C8orf33: variants seen among roughly 807,000 people sequenced by gnomAD.
C8orf33 encodes UPF0488 protein C8orf33.
C8orf33 carries 28 observed loss-of-function variants against 25.7 expected under a neutral mutation model. That is an observed-to-expected ratio of 1.09 (90% confidence interval 0.81 to 1.49). The LOEUF is 1.49. Ranked by LOEUF, C8orf33 falls within the 40% of genes most tolerant of loss-of-function variation. The pLI is 0.00. For missense variants in C8orf33, 369 were observed against 294.4 expected (o/e 1.25, Z -1.85); for synonymous variants, 153 against 115.9 (o/e 1.32, Z -2.06).
rs1480436514 is a variant in C8orf33, at chr8:145,053,366, T to G, written c.473T>G (p.Leu158Arg). The G allele has an allele frequency of 6.2e-7, 1 of 1,614,228 alleles. No homozygotes were observed. Among genetic ancestry groups the G allele is most frequent in the East Asian group, 2.2e-5 (1 of 44,886 alleles). The change falls in exon 4 of 5, where the codon CTG becomes CGG. Residue 158 changes from leucine to arginine, a missense_variant. By Grantham distance (102) the Leu-to-Arg change is moderately radical. Transcript: ENST00000331434. ...ACGCCCTTGCCCCGGAAGAGGCAGC[T>G]GATGCACTCCTTGTTTGGAGACTAT... Reference protein sequence around the residue: ...KRTPLPRKRQLMHSLFGDYRA... With the variant: ...KRTPLPRKRQRMHSLFGDYRA...
Position 145,053,391 on chromosome 8 carries a change from T to A in C8orf33, c.498T>A (p.Tyr166Ter). Residue 166 changes from tyrosine (Y) to a stop codon, truncating the protein, a stop_gained, in exon 4 of 5, where the codon TAT (tyrosine) becomes TAA (stop). Transcript: ENST00000331434. LOFTEE classifies it high-confidence loss of function. ...TGATGCACTCCTTGTTTGGAGACTA[T>A]AGGGCTCAGATGGAAGCCGAATGGC... Reference protein sequence around the residue: ...RQLMHSLFGDYRAQMEAEWRE... With the variant: ...RQLMHSLFGD 2 of 1,614,204 alleles carry A rather than the reference T, an allele frequency of 1.2e-6. No homozygotes were observed. Among genetic ancestry groups the A allele is most frequent in the South Asian group, 2.2e-5 (2 of 91,088 alleles).
Position 145,053,150 on chromosome 8 carries a change from A to C in C8orf33, c.403+4A>C. 1 of 1,614,124 alleles carries C rather than the reference A, an allele frequency of 6.2e-7. No homozygotes were observed. The highest frequency in any genetic ancestry group is 1.7e-5 in the Admixed American group (1 of 60,030). Reference sequence around the variant, plus strand: ...CAGAAACCCACCCCGAAACAGAGTAAGGGACCCTTCTGTAGAGCTGGGGGA... The same window carrying C: ...CAGAAACCCACCCCGAAACAGAGTACGGGACCCTTCTGTAGAGCTGGGGGA... On this transcript the variant is annotated splice_donor_region_variant and intron_variant, in intron 3 of 4. Coordinates refer to ENST00000331434, the MANE Select transcript of C8orf33 (RefSeq NM_023080.3).
Position 145,054,790 on chromosome 8 carries a change from T to C in C8orf33, c.*633T>C, listed in dbSNP as rs985129199. The stretch of plus-strand genomic sequence containing the variant: ...CACCTACCAGGCCAGGCTCTGTTCT[T>C]AGGAGCAAGGAGCTTCTTGCGCTAA... On this transcript the variant is annotated 3_prime_UTR_variant, in exon 5 of 5. Transcript: ENST00000331434. The C allele has an allele frequency of 2.0e-5, 3 of 152,290 alleles. No individual in the cohort carries two copies. The highest frequency in any genetic ancestry group is 7.2e-5 in the African/African-American group (3 of 41,428). The allele number at this position is 152,290 out of a possible 1,614,324, so 9.4% of individuals were successfully genotyped here.
In C8orf33 at chr8:145,052,627, C is replaced by T. The variant is rs781239458; in HGVS notation, c.48C>T (p.Gly16=). ...CTGGGGAGGCAGCGGCGGCCCCAGG[C>T]CCGGGTACTCCCTGCGCGTCCCGCG... The part of the protein sequence containing the change: ...HLAGEAAAAP[G]PGTPCASRGA... The change falls in exon 2 of 5, where the codon GGC becomes GGT. Residue 16 remains glycine (G), a synonymous_variant. Coordinates refer to ENST00000331434, the MANE Select transcript of C8orf33 (RefSeq NM_023080.3). 1.2e-6 allele frequency: 2 copies of T among 1,610,846 alleles called. No homozygotes were observed. Among genetic ancestry groups the T allele is most frequent in the Admixed American group, 3.3e-5 (2 of 59,998 alleles).
intron 4 of C8orf33, chr8:145,053,798 GGTTCAAAT>G: frequency 1.6e-6 from 1 of 617,780 alleles, no homozygotes; most frequent in Admixed American, 3.0e-5. Flanking sequence ...AGATCAGCTA[GGTTCAAAT>G]CCTGGATCTA....
chr8:145,053,975 GTTA>G (rs1447472129), intron 4 of C8orf33, 40 bp from the exon 5 acceptor site: 14 of 1,601,260 alleles, frequency 8.7e-6, no homozygotes, highest in Non-Finnish European at 1.1e-5. Flanking sequence ...AATGTTAATT[GTTA>G]TTATTCAGTT....
Position 145,052,686 on chromosome 8 carries a change from G to A in C8orf33, c.107G>A (p.Arg36Gln). The A allele has an allele frequency of 6.2e-7, 1 of 1,613,946 alleles. No homozygotes were observed. The highest frequency in any genetic ancestry group is 8.5e-7 in the Non-Finnish European group (1 of 1,180,028). Residue 36 changes from arginine to glutamine, a missense_variant, in exon 2 of 5, where the codon CGG (arginine) becomes CAG (glutamine). Arg to Gln is a conservative substitution (Grantham distance 43). Coordinates refer to ENST00000331434, the MANE Select transcript of C8orf33 (RefSeq NM_023080.3). Reference protein sequence around the residue: ...ARLPGPVSSARNPSTVCLCPE... With the variant: ...ARLPGPVSSAQNPSTVCLCPE... ...CTTCCCGGCCCAGTTTCCAGCGCCC[G>A]GAATCCTTCCACTGTCTGTCTCTGC...
At position 145,052,738 on chromosome 8, in the gene C8orf33, T is replaced by G. The variant is rs750122302; in HGVS notation, c.159T>G (p.Ala53=). ...LCPEQPTCSN[A]DSRAHPLGDE... ...CAGAGCAACCTACGTGCAGTAACGC[T>G]GACTCCAGAGCGCACCCGTTGGGCG... Residue 53 remains alanine (A), a synonymous_variant, in exon 2 of 5, where the codon GCT becomes GCG. Coordinates refer to ENST00000331434, the MANE Select transcript of C8orf33 (RefSeq NM_023080.3). 2 of 1,614,068 alleles carry G rather than the reference T, an allele frequency of 1.2e-6. No individual in the cohort carries two copies. Among genetic ancestry groups the G allele is most frequent in the South Asian group, 2.2e-5 (2 of 91,086 alleles).
At chr8:145,053,651 A>G in intron 4 of C8orf33, 1 of 615,900 alleles carries the variant, frequency 1.6e-6, no homozygotes, top group Non-Finnish European at 2.8e-6. Flanking sequence ...AGGCCCTGGG[A>G]GGAGTGGGAA....
In C8orf33 at chr8:145,053,307, T is replaced by C. The variant is rs769429495; in HGVS notation, c.414T>C (p.Ala138=). ...TATTTTTATTCGCAGAAGAGCAGGC[T>C]ATTGGAGCAATCCGAACCCTGCGCA... The part of the protein sequence containing the change: ...QKPTPKQKEQ[A]IGAIRTLRSK... Residue 138 remains alanine (A), a synonymous_variant, in exon 4 of 5, where the codon GCT becomes GCC. Transcript: ENST00000331434. The C allele has an allele frequency of 1.2e-6, 2 of 1,614,148 alleles. No individual in the cohort carries two copies. Among genetic ancestry groups the C allele is most frequent in the African/African-American group, 2.7e-5 (2 of 75,034 alleles).
In C8orf33 at chr8:145,056,010, G is replaced by T; in HGVS notation, c.*1853G>T. The T allele has an allele frequency of 4.9e-6, 1 of 205,720 alleles. No individual in the cohort carries two copies. 12.7% of individuals were successfully genotyped at this position (205,720 alleles called of 1,614,324 possible). A position where few individuals can be genotyped will look rare whatever the true frequency, so the allele number is the denominator to read the frequency against. On this transcript the variant is annotated 3_prime_UTR_variant, in exon 5 of 5. Transcript: ENST00000331434. The stretch of plus-strand genomic sequence containing the variant: ...CGTCTTGGTGGTAGTGGTCCCCCAG[G>T]CCCAGGTGTCTTTTCTTTTATCTCT...
chr8:145,052,728 G>A lies in C8orf33; in HGVS notation c.149G>A (p.Cys50Tyr). 1.2e-6 allele frequency: 2 copies of A among 1,614,206 alleles called. No individual in the cohort carries two copies. The highest frequency in any genetic ancestry group is 1.7e-6 in the Non-Finnish European group (2 of 1,180,034). ...TVCLCPEQPT[C>Y]SNADSRAHPL... is the part of the protein sequence containing the mutation. Reference sequence around the variant, plus strand: ...TGTCTCTGCCCAGAGCAACCTACGTGCAGTAACGCTGACTCCAGAGCGCAC... The same window carrying A: ...TGTCTCTGCCCAGAGCAACCTACGTACAGTAACGCTGACTCCAGAGCGCAC... The change falls in exon 2 of 5, where the codon TGC becomes TAC. Residue 50 changes from cysteine to tyrosine, a missense_variant. Cys to Tyr is a radical substitution (Grantham distance 194). Coordinates refer to ENST00000331434, the MANE Select transcript of C8orf33 (RefSeq NM_023080.3).
chr8:145,053,288 T>C lies in C8orf33; in HGVS notation c.404-9T>C, dbSNP rs375816825. The C allele has an allele frequency of 1.2e-5, 20 of 1,614,066 alleles. No individual in the cohort carries two copies. The highest frequency in any genetic ancestry group is 3.3e-4 in the Middle Eastern group (2 of 6,060). On this transcript the variant is annotated splice_polypyrimidine_tract_variant and intron_variant, in intron 3 of 4. Coordinates refer to ENST00000331434, the MANE Select transcript of C8orf33 (RefSeq NM_023080.3). The stretch of plus-strand genomic sequence containing the variant: ...GAGGTGTTCACTAGTCCTTTATTTT[T>C]ATTCGCAGAAGAGCAGGCTATTGGA...
Position 145,054,003 on chromosome 8 carries a change from TTC to T in C8orf33, c.551-10_551-9del. On this transcript the variant is annotated splice_polypyrimidine_tract_variant and intron_variant, in intron 4 of 4. Transcript: ENST00000331434. ...ATTATTCAGTTCTGACATACGCTGC[TTC>T]TCTCCCCGACAGCTGCTTATTCAGC... 5 of 1,612,970 alleles carry T rather than the reference TTC, an allele frequency of 3.1e-6. No homozygotes were observed. The highest frequency in any genetic ancestry group is 4.2e-6 in the Non-Finnish European group (5 of 1,179,888).
chr8:145,052,917 G>A lies in C8orf33; in HGVS notation c.318+20G>A. The A allele has an allele frequency of 6.2e-7, 1 of 1,605,980 alleles. No homozygotes were observed. The highest frequency in any genetic ancestry group is 8.5e-7 in the Non-Finnish European group (1 of 1,176,006). ...GCCCAGGCAAGGGCGGGCTTCGGTC[G>A]GGAAGGGTGGAATCCACGGGTGCGA... On this transcript the variant is annotated intron_variant, in intron 2 of 4. Transcript: ENST00000331434.
chr8:145,053,580 G>A, intron 4 of C8orf33, 137 bp downstream of exon 4: 1 of 842,228 alleles, frequency 1.2e-6, no homozygotes, highest in Non-Finnish European at 1.8e-6. Flanking sequence ...AGGGAGCAGG[G>A]AAACAGAAAG....
chr8:145,053,940 T>C (rs1835317934), intron 4 of C8orf33, 78 bp from the exon 5 acceptor site: 2 of 1,501,640 alleles, frequency 1.3e-6, no homozygotes, highest in Admixed American at 3.9e-5. Context: ...GTTAGAATTG[T>C]ATGGGCAAAC....
In C8orf33 at chr8:145,052,665, C is replaced by T. The variant is rs1219316834; in HGVS notation, c.86C>T (p.Pro29Leu). 3.1e-6 allele frequency: 5 copies of T among 1,613,468 alleles called. No individual in the cohort carries two copies. The East Asian group carries it at 8.9e-5, about 29-fold the overall frequency. ...TPCASRGARL[P>L]GPVSSARNPS... ...TGCGCGTCCCGCGGAGCCCGGCTTCCCGGCCCAGTTTCCAGCGCCCGGAAT... is the reference window on the plus strand; with the variant it reads ...TGCGCGTCCCGCGGAGCCCGGCTTCTCGGCCCAGTTTCCAGCGCCCGGAAT... Residue 29 changes from proline (P) to leucine (L), a missense_variant, in exon 2 of 5, where the codon CCC (proline) becomes CTC (leucine). Coordinates refer to ENST00000331434, the MANE Select transcript of C8orf33 (RefSeq NM_023080.3).
Position 145,053,417 on chromosome 8 carries a change from G to T in C8orf33, c.524G>T (p.Arg175Leu), listed in dbSNP as rs748114106. ...AGGGCTCAGATGGAAGCCGAATGGC[G>T]TGAGGCCCTGCGGGCTCTCAGAGCT... ...DYRAQMEAEW[R>L]EALRALRAAA... is the part of the protein sequence containing the mutation. The change falls in exon 4 of 5, where the codon CGT becomes CTT. Residue 175 changes from arginine to leucine, a missense_variant. Coordinates refer to ENST00000331434, the MANE Select transcript of C8orf33 (RefSeq NM_023080.3). 2 of 1,614,222 alleles carry T rather than the reference G, an allele frequency of 1.2e-6. No homozygotes were observed. Among genetic ancestry groups the T allele is most frequent in the Middle Eastern group, 1.6e-4 (1 of 6,062 alleles).
Sources: allele counts gnomAD v4.1 joint callset, GRCh38; gene constraint gnomAD v4.1.1; transcripts MANE v1.5; gene names NCBI Gene and HGNC (gene_info 2026-07-23, HGNC 2026-07-21).